CFAP95: variants seen among roughly 807,000 people sequenced by gnomAD.
CFAP95 encodes cilia and flagella associated protein 95, also known as cilia- and flagella-associated protein 95.
chr9:69,823,329 C>T, the CFAP95 span, among the ~76,000 whole-genome samples: 1 of 152,170 alleles, frequency 6.6e-6, no homozygotes, highest in Non-Finnish European at 1.5e-5. Context: ...ACAGGTCCCT[C>T]CCGATGTGGG....
chr9:69,859,297 C>A, the CFAP95 span, among the ~76,000 whole-genome samples: 2 of 152,046 alleles, frequency 1.3e-5, no homozygotes, highest in South Asian at 4.2e-4. Context: ...TCAACTCTAC[C>A]ATTGAATTAT....
chr9:69,878,649 AG>A, the CFAP95 span, among the ~76,000 whole-genome samples: 1 of 152,350 alleles, frequency 6.6e-6, no homozygotes, highest in South Asian at 2.1e-4. Flanking sequence ...CAAAGGGTTG[AG>A]AAATGTGTGT....
the CFAP95 span, among the ~76,000 whole-genome samples, chr9:69,837,645 G>A: frequency 6.6e-6 from 1 of 152,206 alleles, no homozygotes; most frequent in African/African-American, 2.4e-5. Flanking sequence ...TTTGTCAGAT[G>A]AGTAGGTTGT....
At chr9:69,868,552 G>A in the CFAP95 span, among the ~76,000 whole-genome samples, 1,335 of 151,918 alleles carry the variant, frequency 8.8e-3, 21 homozygotes, top group African/African-American at 0.03. Flanking sequence ...CAGCTACTCG[G>A]GAGGCTGAGG....
chr9:69,905,947 C>T, the CFAP95 span: 1 of 1,556,466 alleles, frequency 6.4e-7, no homozygotes, highest in Admixed American at 2.0e-5. Flanking sequence ...TCTTTTTTCC[C>T]CCATAGGCTT....
the CFAP95 span, among the ~76,000 whole-genome samples, chr9:69,821,666 T>C: frequency 2.6e-5 from 4 of 152,106 alleles, no homozygotes; most frequent in Admixed American, 2.0e-4. Context: ...CAAGAACTTT[T>C]CTGGCCAGAG....
the CFAP95 span, among the ~76,000 whole-genome samples, chr9:69,838,034 A>T: frequency 6.6e-6 from 1 of 152,180 alleles, no homozygotes; most frequent in Admixed American, 6.5e-5. Context: ...TAAAGATCAG[A>T]TAGTTGTAGA....
the CFAP95 span, among the ~76,000 whole-genome samples, chr9:69,858,340 G>A: frequency 3.3e-5 from 5 of 152,192 alleles, no homozygotes; most frequent in African/African-American, 9.7e-5. Flanking sequence ...AACTGAGGTC[G>A]AACAGGGTGA....
the CFAP95 span, among the ~76,000 whole-genome samples, chr9:69,851,919 C>G: frequency 2.0e-5 from 3 of 151,176 alleles, no homozygotes; most frequent in Non-Finnish European, 4.4e-5. Flanking sequence ...CTCATAAAAG[C>G]TTGCTTGAAG....
At chr9:69,900,410 G>C in the CFAP95 span, among the ~76,000 whole-genome samples, 2 of 152,208 alleles carry the variant, frequency 1.3e-5, no homozygotes, top group African/African-American at 2.4e-5. Context: ...AGGGTTTTAC[G>C]TGTGGTATTT....
the CFAP95 span, among the ~76,000 whole-genome samples, chr9:69,882,386 G>C: frequency 6.6e-6 from 1 of 152,162 alleles, no homozygotes; most frequent in Non-Finnish European, 1.5e-5. Context: ...ATCATGTCAT[G>C]TGCAAACAAG....
chr9:69,858,208 T>C, the CFAP95 span: 2 of 507,928 alleles, frequency 3.9e-6, no homozygotes, highest in Non-Finnish European at 7.1e-6. Context: ...TTTGTAAATT[T>C]TTCTTCTCTG....
At chr9:69,845,130 G>A in the CFAP95 span, among the ~76,000 whole-genome samples, 1 of 152,172 alleles carries the variant, frequency 6.6e-6, no homozygotes, top group African/African-American at 2.4e-5. Context: ...GGAGTTGTGA[G>A]TAATTAAAAC....
chr9:69,828,255 G>T, the CFAP95 span, among the ~76,000 whole-genome samples: 3 of 152,066 alleles, frequency 2.0e-5, no homozygotes, highest in African/African-American at 4.8e-5. Context: ...GCAAATGTGG[G>T]TATCTCTGAT....
the CFAP95 span, among the ~76,000 whole-genome samples, chr9:69,905,605 G>A: frequency 6.6e-6 from 1 of 151,692 alleles, no homozygotes; most frequent in African/African-American, 2.4e-5. Context: ...TTTTTAAAAG[G>A]TGTTGAATTG....
the CFAP95 span, among the ~76,000 whole-genome samples, chr9:69,852,196 G>A: frequency 6.6e-6 from 1 of 151,578 alleles, no homozygotes; most frequent in African/African-American, 2.4e-5. Flanking sequence ...GTGCAGAAAA[G>A]CTACAGTTGG....
chr9:69,854,203 G>A, the CFAP95 span, among the ~76,000 whole-genome samples: 1 of 152,196 alleles, frequency 6.6e-6, no homozygotes, highest in South Asian at 2.1e-4. Flanking sequence ...TTACAGGGTT[G>A]TAACTTAAGT....
At chr9:69,852,633 TGGAA>T in the CFAP95 span, among the ~76,000 whole-genome samples, 1 of 152,116 alleles carries the variant, frequency 6.6e-6, no homozygotes, top group South Asian at 2.1e-4. Context: ...TGCTACAGAC[TGGAA>T]GGTTCCAGAA....
the CFAP95 span, among the ~76,000 whole-genome samples, chr9:69,825,191 A>G: frequency 1.7e-3 from 252 of 152,352 alleles, no homozygotes; most frequent in Non-Finnish European, 2.3e-3. Flanking sequence ...CTTAATATCT[A>G]TAAACACACC....
Sources: allele counts gnomAD v4.1 joint callset (sites outside exome capture counted in the v4.1 genomes callset), GRCh38; gene constraint gnomAD v4.1.1; transcripts MANE v1.5; gene names NCBI Gene and HGNC (gene_info 2026-07-23, HGNC 2026-07-21).